EPB42: variants seen among roughly 807,000 people sequenced by gnomAD.
EPB42 encodes the protein erythrocyte membrane protein band 4.2, also known as protein 4.2.
In EPB42, 49 loss-of-function variants were observed where a neutral mutation model predicts 76.9. The ratio of observed to expected loss-of-function variants is 0.64; its 90% CI spans 0.51 to 0.81. The LOEUF (loss-of-function observed/expected upper bound fraction) is 0.81, where lower values mean the gene tolerates loss of function less well. Among genes scored for constraint, EPB42 ranks in the 30% least tolerant of loss-of-function variants. The probability of loss-of-function intolerance (pLI) is 0.00; values close to 1 mark genes in which losing one functional copy is unlikely to be tolerated. For synonymous variants in EPB42, 310 were observed against 338.4 expected (o/e 0.92, Z 0.92); for missense variants, 731 against 867.6 (o/e 0.84, Z 1.98).
intron 2 of EPB42, among the ~76,000 whole-genome samples, chr15:43,215,617 G>C (rs2142316343): frequency 6.6e-6 from 1 of 151,586 alleles, no homozygotes; most frequent in South Asian, 2.1e-4. Flanking sequence ...GCATACATCT[G>C]ACAGGTAGTA....
intron 1 of EPB42, among the ~76,000 whole-genome samples, chr15:43,217,474 A>G (rs1352804714): frequency 6.6e-6 from 1 of 152,232 alleles, no homozygotes; most frequent in East Asian, 1.9e-4. Flanking sequence ...AGAGGGAAGA[A>G]AAAAACAAGG....
At chr15:43,213,859 G>A (rs769397102) in intron 3 of EPB42, among the ~76,000 whole-genome samples, 4 of 152,332 alleles carry the variant, frequency 2.6e-5, no homozygotes, top group East Asian at 1.9e-4. Context: ...ACCTGAAGTC[G>A]GGGAGAACGC....
chr15:43,202,908 C>T (rs538326309), intron 11 of EPB42, among the ~76,000 whole-genome samples: 131 of 152,258 alleles, frequency 8.6e-4, no homozygotes, highest in African/African-American at 3.1e-3. Flanking sequence ...ATTTTAGAAA[C>T]CTTTACTTAA....
chr15:43,223,241 C>A (rs150332829), upstream of EPB42, among the ~76,000 whole-genome samples: 2 of 151,970 alleles, frequency 1.3e-5, no homozygotes, highest in African/African-American at 4.8e-5. Context: ...AGCTTGAACC[C>A]GGGAGGTTGG....
At chr15:43,202,047 C>T in intron 11 of EPB42, 70 bp from the exon 12 acceptor site, 3 of 1,606,960 alleles carry the variant, frequency 1.9e-6, no homozygotes, top group South Asian at 1.1e-5. Context: ...CTCCCATGCA[C>T]CCCTGTACCC....
chr15:43,213,456 C>G (rs1180063639), intron 3 of EPB42, among the ~76,000 whole-genome samples: 1 of 152,182 alleles, frequency 6.6e-6, no homozygotes, highest in East Asian at 1.9e-4. Context: ...GACCTCCACC[C>G]ACACTCAGGC....
rs768219449 is a variant in EPB42 at position 43,208,706 on chromosome 15, C to T, written c.902G>A (p.Arg301His). ...ATTATAGTATTCATCTATGAGAAGA[C>T]GCCCACCGGTGCCCTGTGCTGAGGC... ...TFASAQGTGG[R>H]LLIDEYYNEE... The change falls in exon 7 of 13, where the codon CGT becomes CAT. Residue 301 changes from arginine (R) to histidine (H), a missense_variant. By Grantham distance (29) the Arg-to-His change is conservative. Coordinates refer to ENST00000441366, the MANE Select transcript of EPB42 (RefSeq NM_001114134.2). 1.1e-5 allele frequency: 17 copies of T among 1,614,064 alleles called. No individual in the cohort carries two copies. The highest frequency in any genetic ancestry group is 5.5e-5 in the South Asian group (5 of 91,084).
chr15:43,201,473 T>C (rs1239200571), intron 12 of EPB42, among the ~76,000 whole-genome samples: 1 of 152,220 alleles, frequency 6.6e-6, no homozygotes, highest in Non-Finnish European at 1.5e-5. Context: ...ATTGTGGTGG[T>C]GACTACCAGA....
At position 43,207,376 on chromosome 15, in the gene EPB42, C is replaced by A. The variant is rs373070550; in HGVS notation, c.1141G>T (p.Ala381Ser). Residue 381 changes from alanine to serine, a missense_variant, in exon 9 of 13, where the codon GCA (alanine) becomes TCA (serine). Coordinates refer to ENST00000441366, the MANE Select transcript of EPB42 (RefSeq NM_001114134.2). Reference protein sequence around the residue: ...VKEGTLGLTPAVSDLFAAINA... With the variant: ...VKEGTLGLTPSVSDLFAAINA... ...ATGGCAGCAAAAAGGTCTGACACTG[C>A]TGGGGTCAGCCCCAGCGTCCCCTCC... 38 of 1,614,102 alleles carry A rather than the reference C, an allele frequency of 2.4e-5. No individual in the cohort carries two copies. Among genetic ancestry groups the A allele is most frequent in the Admixed American group, 6.7e-5 (4 of 60,012 alleles).
chr15:43,217,009 T>C (rs1297897178), intron 1 of EPB42, among the ~76,000 whole-genome samples: 1 of 152,230 alleles, frequency 6.6e-6, no homozygotes, highest in Non-Finnish European at 1.5e-5. Flanking sequence ...CTCACAGCTC[T>C]ATGCAGCCCA....
intron 12 of EPB42, among the ~76,000 whole-genome samples, chr15:43,197,768 A>G (rs573173467): frequency 6.6e-6 from 1 of 152,236 alleles, no homozygotes; most frequent in South Asian, 2.1e-4. Flanking sequence ...TTTGTTTGGA[A>G]GAGTGATATG....
intron 1 of EPB42, among the ~76,000 whole-genome samples, chr15:43,216,722 C>T (rs192228680): frequency 1.4e-4 from 21 of 152,276 alleles, no homozygotes; most frequent in Non-Finnish European, 1.8e-4. Context: ...TTAAATGAAA[C>T]TGTTGTTGTT....
chr15:43,220,406 G>A (rs28723492), intron 1 of EPB42, among the ~76,000 whole-genome samples: 5,755 of 152,102 alleles, frequency 0.038, 126 homozygotes, highest in South Asian at 0.082. Flanking sequence ...TCTCTCATTT[G>A]TATCAGTAAG....
chr15:43,198,970 TG>T (rs1472816418), intron 12 of EPB42, among the ~76,000 whole-genome samples: 8 of 152,340 alleles, frequency 5.3e-5, no homozygotes, highest in African/African-American at 1.9e-4. Context: ...AGTCAAGAAC[TG>T]AGGTTTGGGA....
intron 6 of EPB42, 105 bp downstream of exon 6, chr15:43,209,169 C>T (rs1406026384): frequency 9.9e-6 from 13 of 1,316,158 alleles, no homozygotes; most frequent in African/African-American, 4.3e-5. Flanking sequence ...TGGGGAAATG[C>T]GGCCGCAGGG....
intron 10 of EPB42, chr15:43,205,981 ATCCTTCCAGAT>A (rs2042197791): frequency 4.4e-6 from 1 of 224,870 alleles, no homozygotes; most frequent in Non-Finnish European, 8.8e-6. Flanking sequence ...TCTCCTACTC[ATCCTTCCAGAT>A]TCCATGCAGT....
intron 12 of EPB42, among the ~76,000 whole-genome samples, chr15:43,200,593 A>G (rs912326226): frequency 6.6e-6 from 1 of 152,210 alleles, no homozygotes; most frequent in Non-Finnish European, 1.5e-5. Flanking sequence ...AATTAAAATA[A>G]TAGTAAGATA....
At chr15:43,225,196 T>G (rs1452192736), upstream of EPB42, among the ~76,000 whole-genome samples, 1 of 152,118 alleles carries the variant, frequency 6.6e-6, no homozygotes, top group East Asian at 1.9e-4. Context: ...TTATATAGAC[T>G]ATTTCTAGAA....
intron 5 of EPB42, 160 bp from the exon 6 acceptor site, chr15:43,209,611 C>T (rs2042261379): frequency 1.3e-6 from 1 of 763,036 alleles, no homozygotes; most frequent in Non-Finnish European, 2.1e-6. Flanking sequence ...TTCTGGGCTC[C>T]ATCCTAGGCC....
Sources: allele counts gnomAD v4.1 joint callset (sites outside exome capture counted in the v4.1 genomes callset), GRCh38; gene constraint gnomAD v4.1.1; transcripts MANE v1.5; gene names NCBI Gene and HGNC (gene_info 2026-07-23, HGNC 2026-07-21).